Variants in NKAIN2 observed in about 807,000 individuals in gnomAD.
The protein encoded by NKAIN2 is sodium/potassium-transporting ATPase subunit beta-1-interacting protein 2.
In NKAIN2, 14 loss-of-function variants were observed where a neutral mutation model predicts 32.6. The observed-to-expected ratio is 0.43, with a 90% CI of 0.28 to 0.67. The LOEUF (loss-of-function observed/expected upper bound fraction) is 0.67. NKAIN2 is among the 30% of genes least tolerant of loss of function. The pLI is 0.17. For missense variants in NKAIN2, 198 were observed against 258.3 expected (o/e 0.77, Z 1.60); for synonymous variants, 80 against 87.2 (o/e 0.92, Z 0.46).
intron 4 of NKAIN2, among the ~76,000 whole-genome samples, chr6:124,709,590 T>G (rs1285254979): frequency 1.3e-5 from 2 of 149,924 alleles, no homozygotes; most frequent in African/African-American, 2.5e-5. Context: ...GTTGAGGAAT[T>G]TATCCATTTC....
intron 1 of NKAIN2, among the ~76,000 whole-genome samples, chr6:124,119,828 A>C (rs554085135): frequency 6.6e-6 from 1 of 152,298 alleles, no homozygotes; most frequent in African/African-American, 2.4e-5. Flanking sequence ...GGGCTCTGCT[A>C]CCATTCACAG....
At chr6:124,187,360 C>A (rs532560580) in intron 1 of NKAIN2, among the ~76,000 whole-genome samples, 50 of 152,198 alleles carry the variant, frequency 3.3e-4, no homozygotes, top group African/African-American at 1.2e-3. Flanking sequence ...AAATGTCATG[C>A]TAGTTTAAAT....
chr6:124,687,573 T>TCC (rs1378795953), intron 4 of NKAIN2, among the ~76,000 whole-genome samples: 617 of 2,558 alleles, frequency 0.24, 12 homozygotes, highest in African/African-American at 0.33. Flanking sequence ...GTATATATAA[T>TCC]ATATATTTAT....
intron 4 of NKAIN2, among the ~76,000 whole-genome samples, chr6:124,755,818 C>G (rs1288797994): frequency 6.6e-6 from 1 of 152,118 alleles, no homozygotes; most frequent in South Asian, 2.1e-4. Context: ...TCCCATGACA[C>G]AAGTTGACCT....
chr6:124,557,134 A>C (rs1446171986), intron 3 of NKAIN2, among the ~76,000 whole-genome samples: 2 of 152,218 alleles, frequency 1.3e-5, no homozygotes, highest in Non-Finnish European at 2.9e-5. Context: ...ATTTGCATAT[A>C]ACATTAACAT....
chr6:124,028,500 C>A (rs1462461787), intron 1 of NKAIN2, among the ~76,000 whole-genome samples: 2 of 151,110 alleles, frequency 1.3e-5, no homozygotes, highest in African/African-American at 4.9e-5. Context: ...ATGTAACAAA[C>A]CTGCCCATGT....
At chr6:124,354,844 G>T in intron 2 of NKAIN2, among the ~76,000 whole-genome samples, 1 of 100,764 alleles carries the variant, frequency 9.9e-6, no homozygotes, top group East Asian at 2.9e-4. Flanking sequence ...ATAACAGTAA[G>T]AAAAAAAAAA....
chr6:123,812,238 T>C (rs1028295582), intron 1 of NKAIN2, among the ~76,000 whole-genome samples: 2 of 152,218 alleles, frequency 1.3e-5, no homozygotes, highest in Non-Finnish European at 2.9e-5. Context: ...GCAATACTTT[T>C]CAGTGAAATA....
Position 124,124,381 on chromosome 6 carries a change from G to A in NKAIN2, c.55-158624G>A, listed in dbSNP as rs115812159. Reference sequence around the variant, plus strand: ...TCTTCCAGTTAAACACAGCATTAATGGGAAATTGTTAATGGGAACTTGAAT... The same window carrying A: ...TCTTCCAGTTAAACACAGCATTAATAGGAAATTGTTAATGGGAACTTGAAT... On this transcript the variant is annotated intron_variant, in intron 1 of 6. Coordinates refer to ENST00000368417, the MANE Select transcript of NKAIN2 (RefSeq NM_001040214.3). Among the ~76,000 whole-genome samples the A allele has an allele frequency of 5.3e-3, 809 of 152,104 alleles. 7 individuals are homozygous for A. The highest frequency in any genetic ancestry group is 0.027 in the South Asian group (129 of 4,818).
At chr6:124,075,228 ACAGT>A (rs1244190412) in intron 1 of NKAIN2, among the ~76,000 whole-genome samples, 3 of 152,168 alleles carry the variant, frequency 2.0e-5, no homozygotes, top group Non-Finnish European at 4.4e-5. Flanking sequence ...TGAGTAAAAA[ACAGT>A]CAAAGAGGAG....
At chr6:124,658,661 G>T (rs1349189766) in intron 4 of NKAIN2, 33 of 712,150 alleles carry the variant, frequency 4.6e-5, no homozygotes, top group Non-Finnish European at 5.2e-5. Context: ...CGTGACTTTT[G>T]GTAGACTTTT....
At chr6:124,138,387 G>A (rs533426988) in intron 1 of NKAIN2, among the ~76,000 whole-genome samples, 3 of 152,220 alleles carry the variant, frequency 2.0e-5, no homozygotes, top group Middle Eastern at 3.4e-3. Flanking sequence ...TACACTGCTG[G>A]TGGGAATGTA....
chr6:124,607,817 A>G (rs757880304), intron 3 of NKAIN2, among the ~76,000 whole-genome samples: 6 of 152,146 alleles, frequency 3.9e-5, no homozygotes, highest in Non-Finnish European at 2.9e-5. Context: ...TTGAATACCC[A>G]TACAACCATT....
intron 4 of NKAIN2, among the ~76,000 whole-genome samples, chr6:124,668,603 A>G (rs960979720): frequency 6.6e-6 from 1 of 152,030 alleles, no homozygotes; most frequent in African/African-American, 2.4e-5. Context: ...ATTTCATGCC[A>G]TCTTCTTAGT....
At chr6:124,105,883 T>C (rs1426242789) in intron 1 of NKAIN2, among the ~76,000 whole-genome samples, 3 of 152,186 alleles carry the variant, frequency 2.0e-5, no homozygotes, top group African/African-American at 7.2e-5. Context: ...ATTTATACCC[T>C]TTAGATTTGT....
At chr6:124,286,616 C>G (rs1245202306) in intron 2 of NKAIN2, among the ~76,000 whole-genome samples, 1 of 149,816 alleles carries the variant, frequency 6.7e-6, no homozygotes, top group Non-Finnish European at 1.5e-5. Flanking sequence ...ATGTTCATTA[C>G]CCATTTTTGT....
At chr6:124,089,794 C>A (rs1378753819) in intron 1 of NKAIN2, among the ~76,000 whole-genome samples, 1 of 151,896 alleles carries the variant, frequency 6.6e-6, no homozygotes, top group Non-Finnish European at 1.5e-5. Flanking sequence ...GTTATCTTGG[C>A]TAATTCTCAA....
intron 1 of NKAIN2, among the ~76,000 whole-genome samples, chr6:123,977,588 G>A (rs1485831633): frequency 1.3e-5 from 2 of 152,128 alleles, no homozygotes; most frequent in African/African-American, 2.4e-5. Context: ...ATGCTAATAG[G>A]TGAGAATAAT....
At position 124,517,482 on chromosome 6, in the gene NKAIN2, T is replaced by C. The variant is rs200374927; in HGVS notation, c.274-140704T>C. Among the ~76,000 whole-genome samples the C allele has an allele frequency of 1.8e-3, 278 of 152,204 alleles. 1 individual carries two copies. Among genetic ancestry groups the C allele is most frequent in the African/African-American group, 6.5e-3 (270 of 41,544 alleles). On this transcript the variant is annotated intron_variant, in intron 3 of 6. Coordinates refer to ENST00000368417, the MANE Select transcript of NKAIN2 (RefSeq NM_001040214.3). ...CACAGCAGCTTCCATAATAATGCCC[T>C]CCACCTCCATCAATGTGCTAATCAG...
Sources: gnomAD v4.1 joint callset for allele counts (sites outside exome capture counted in the v4.1 genomes callset) on GRCh38, gnomAD v4.1.1 for gene constraint, MANE v1.5 for transcripts, NCBI Gene and HGNC (gene_info 2026-07-23, HGNC 2026-07-21) for gene names.